The following JAK1 variants were observed in gnomAD, a reference collection of about 807,000 sequenced individuals.
JAK1 encodes the protein Janus kinase 1.
JAK1 carries 16 observed loss-of-function variants against 136.6 expected under a neutral mutation model. That is an observed-to-expected ratio of 0.12 (90% CI 0.08 to 0.18). The LOEUF (loss-of-function observed/expected upper bound fraction) is 0.18. Among genes scored for constraint, JAK1 ranks in the 10% least tolerant of loss-of-function variants. JAK1 has a pLI of 1.00. For missense variants in JAK1, 859 were observed against 1,450.1 expected (o/e 0.59, Z 6.62); for synonymous variants, 492 against 519.5 (o/e 0.95, Z 0.72).
At chr1:65,024,176 C>T (rs1287685685) in intron 2 of JAK1, among the ~76,000 whole-genome samples, 2 of 152,070 alleles carry the variant, frequency 1.3e-5, no homozygotes, top group Non-Finnish European at 2.9e-5. Context: ...ATTTGAGGAC[C>T]TGCCAGACTG....
chr1:64,866,214 G>T (rs2780886), intron 7 of JAK1, among the ~76,000 whole-genome samples: 85,478 of 152,050 alleles, frequency 0.56, 26,365 homozygotes, highest in African/African-American at 0.82. Flanking sequence ...ATTTAACAGA[G>T]GAGTAATTTT....
chr1:64,919,034 T>C (rs1356073232), intron 1 of JAK1, among the ~76,000 whole-genome samples: 2 of 152,246 alleles, frequency 1.3e-5, no homozygotes, highest in African/African-American at 2.4e-5. Flanking sequence ...TTTATTATTA[T>C]ACTTTAAGTT....
chr1:65,040,007 G>A (rs1419913593), intron 2 of JAK1, among the ~76,000 whole-genome samples: 1 of 152,152 alleles, frequency 6.6e-6, no homozygotes. Context: ...CTGAGGTCAG[G>A]AGTTCAAGAC....
At chr1:65,026,760 G>A (rs1379364410) in intron 2 of JAK1, among the ~76,000 whole-genome samples, 1 of 152,040 alleles carries the variant, frequency 6.6e-6, no homozygotes, top group Non-Finnish European at 1.5e-5. Context: ...GAGGCCAGGA[G>A]TTTGAGACCA....
At chr1:64,959,165 C>T (rs1047457201) in intron 1 of JAK1, among the ~76,000 whole-genome samples, 10 of 152,186 alleles carry the variant, frequency 6.6e-5, no homozygotes, top group Non-Finnish European at 1.3e-4. Flanking sequence ...TTTCCAATCA[C>T]GTGGCAACAA....
At chr1:64,903,674 T>A (rs1370168666) in intron 1 of JAK1, among the ~76,000 whole-genome samples, 1 of 152,230 alleles carries the variant, frequency 6.6e-6, no homozygotes, top group African/African-American at 2.4e-5. Flanking sequence ...AAAATGGGAA[T>A]AATACTAGCT....
At chr1:64,916,035 T>C (rs927452730) in intron 1 of JAK1, among the ~76,000 whole-genome samples, 2 of 151,876 alleles carry the variant, frequency 1.3e-5, no homozygotes, top group African/African-American at 2.4e-5. Flanking sequence ...AGGCTGGGAG[T>C]TCCCCAATGA....
At chr1:65,018,488 ACACACACAC>A (rs927800685) in intron 2 of JAK1, among the ~76,000 whole-genome samples, 1 of 124,280 alleles carries the variant, frequency 8.0e-6, no homozygotes, top group African/African-American at 3.6e-5. Context: ...GAGAGAGAGA[ACACACACAC>A]ACACACACAC....
At chr1:65,045,827 C>T (rs1397363107) in intron 1 of JAK1, among the ~76,000 whole-genome samples, 1 of 152,194 alleles carries the variant, frequency 6.6e-6, no homozygotes, top group Non-Finnish European at 1.5e-5. Flanking sequence ...AGCTTATCCT[C>T]TTTATAGCTC....
At chr1:64,906,577 C>A (rs1645193716) in intron 1 of JAK1, among the ~76,000 whole-genome samples, 1 of 152,162 alleles carries the variant, frequency 6.6e-6, no homozygotes, top group Non-Finnish European at 1.5e-5. Flanking sequence ...AAATATGTCC[C>A]ATATCCCACG....
intron 1 of JAK1, among the ~76,000 whole-genome samples, chr1:64,956,120 A>G (rs1438752285): frequency 6.6e-6 from 1 of 152,272 alleles, no homozygotes; most frequent in Non-Finnish European, 1.5e-5. Context: ...TGGTGCTACA[A>G]TAGCAGATTC....
intron 1 of JAK1, among the ~76,000 whole-genome samples, chr1:65,054,296 G>C (rs1044689869): frequency 6.6e-6 from 1 of 152,016 alleles, no homozygotes; most frequent in Non-Finnish European, 1.5e-5. Context: ...TGACTTGTAA[G>C]ACTAACCAGG....
At chr1:64,989,931 T>C (rs934151258) in intron 2 of JAK1, 1 of 152,034 alleles carries the variant, frequency 6.6e-6, no homozygotes, top group South Asian at 2.1e-4. Flanking sequence ...ACACGCCCAA[T>C]TGGCAAAAAC....
intron 1 of JAK1, among the ~76,000 whole-genome samples, chr1:64,898,317 A>T (rs1645055719): frequency 6.6e-6 from 1 of 152,164 alleles, no homozygotes; most frequent in South Asian, 2.1e-4. Flanking sequence ...AGTCACTCTG[A>T]ATTATTTTTG....
rs536188905 is a variant in JAK1, at chr1:65,016,822, C to T, written c.-78+27658G>A. On this transcript the variant is annotated intron_variant, in intron 2 of 25. Coordinates refer to the JAK1 transcript ENST00000671954. ...CTGAGGCAGGAGAATTGCTTGAACC[C>T]GAGAGGCAGAGGTTGCAGTGAGCCG... 1.2e-3 allele frequency among the ~76,000 whole-genome samples: 183 copies of T among 151,454 alleles called. 1 individual carries two copies. Among genetic ancestry groups the T allele is most frequent in the Admixed American group, 2.8e-3 (42 of 15,212 alleles).
intron 2 of JAK1, chr1:64,974,771 T>C (rs1646483046): frequency 6.6e-6 from 1 of 152,264 alleles, no homozygotes; most frequent in South Asian, 2.1e-4. Context: ...AAAGACTATA[T>C]AGCACAGTTC....
chr1:64,896,792 G>A (rs925990835), intron 1 of JAK1, among the ~76,000 whole-genome samples: 1 of 152,198 alleles, frequency 6.6e-6, no homozygotes, highest in African/African-American at 2.4e-5. Flanking sequence ...CTGGTGTAGT[G>A]AGTTTGATCG....
chr1:65,046,618 G>A (rs559407925), intron 1 of JAK1, among the ~76,000 whole-genome samples: 2 of 152,114 alleles, frequency 1.3e-5, no homozygotes, highest in Non-Finnish European at 2.9e-5. Context: ...GGTTGAAGGA[G>A]ACCTGAGTCC....
chr1:64,964,589 A>G (rs1557731175), intron 1 of JAK1, among the ~76,000 whole-genome samples: 1 of 152,246 alleles, frequency 6.6e-6, no homozygotes, highest in Non-Finnish European at 1.5e-5. Context: ...TAATTAGTAT[A>G]GTATGAAATG....
Sources: allele counts gnomAD v4.1 joint callset (sites outside exome capture counted in the v4.1 genomes callset), GRCh38; gene constraint gnomAD v4.1.1; transcripts MANE v1.5; gene names NCBI Gene and HGNC (gene_info 2026-07-23, HGNC 2026-07-21).